UFSP2: variants seen among roughly 807,000 people sequenced by gnomAD.
The protein encoded by UFSP2 is UFM1 specific peptidase 2, also known as ufm1-specific protease 2.
In UFSP2, 43 loss-of-function variants were observed where a neutral mutation model predicts 60.2. The ratio of observed to expected loss-of-function variants is 0.71; its 90% CI spans 0.56 to 0.92. The LOEUF is 0.92. Among genes scored for constraint, UFSP2 ranks in the 40% least tolerant of loss-of-function variants. The pLI, the probability that UFSP2 is intolerant of heterozygous loss-of-function variation, is 0.00. For synonymous variants in UFSP2, 183 were observed against 195.1 expected (o/e 0.94, Z 0.52); for missense variants, 520 against 575.0 (o/e 0.90, Z 0.98).
In UFSP2 at chr4:185,408,347, A is replaced by C. The variant is rs753564563; in HGVS notation, c.920T>G (p.Leu307Arg). 4 of 1,614,218 alleles carry C rather than the reference A, an allele frequency of 2.5e-6. No individual in the cohort carries two copies. The East Asian group carries it at 8.9e-5, about 36-fold the overall frequency. ...DNGWGCAYRSLQTICSWFKHQ... is the reference protein window; with the variant it reads ...DNGWGCAYRSRQTICSWFKHQ... Reference sequence around the variant, plus strand: ...TTTGAACCAAGAGCAGATAGTCTGCAGAGATCGATAAGCACAGCCCCAGCC... The same window carrying C: ...TTTGAACCAAGAGCAGATAGTCTGCCGAGATCGATAAGCACAGCCCCAGCC... The change falls in exon 8 of 12, where the codon CTG (leucine) becomes CGG (arginine). Residue 307 changes from leucine to arginine, a missense_variant. Physicochemically the swap from Leu to Arg is moderately radical, Grantham distance 102 (BLOSUM62 -2). Coordinates refer to ENST00000264689, the MANE Select transcript of UFSP2 (RefSeq NM_018359.5).
intron 9 of UFSP2, 124 bp from the exon 10 acceptor site, chr4:185,405,980 A>G: frequency 6.5e-7 from 1 of 1,538,046 alleles, no homozygotes; most frequent in Non-Finnish European, 8.8e-7. Flanking sequence ...ATATAAATGT[A>G]AAAAAATTAA....
intron 5 of UFSP2, 76 bp downstream of exon 5, chr4:185,415,634 C>T (rs2095537229): frequency 4.7e-6 from 6 of 1,271,422 alleles, no homozygotes; most frequent in Non-Finnish European, 6.5e-6. Context: ...CTTAGGTATA[C>T]CTACAGGATA....
chr4:185,409,693 G>A (rs2095525912), intron 7 of UFSP2, among the ~76,000 whole-genome samples: 1 of 152,154 alleles, frequency 6.6e-6, no homozygotes, highest in South Asian at 2.1e-4. Flanking sequence ...CACCCTCTGT[G>A]CCAAAAAGTA....
At chr4:185,412,618 A>G (rs568682600) in intron 7 of UFSP2, among the ~76,000 whole-genome samples, 21 of 152,188 alleles carry the variant, frequency 1.4e-4, no homozygotes, top group Non-Finnish European at 2.8e-4. Context: ...CAGCTGAGGA[A>G]GAACAGGAAA....
chr4:185,399,813 G>A lies in UFSP2; in HGVS notation c.*579C>T. On this transcript the variant is annotated 3_prime_UTR_variant, in exon 12 of 12. Transcript: ENST00000264689. ...GCTGCTGCTTTTTTCCTCCCGCAGT[G>A]ATCTCTTGTTTGCATAGCATTTATT... 6.2e-7 allele frequency: 1 copy of A among 1,611,548 alleles called. No homozygotes were observed. Among genetic ancestry groups the A allele is most frequent in the Non-Finnish European group, 8.5e-7 (1 of 1,178,512 alleles).
At chr4:185,424,140 CA>C (rs5864936) in intron 1 of UFSP2, among the ~76,000 whole-genome samples, 99,730 of 135,186 alleles carry the variant, frequency 0.74, 36,529 homozygotes, top group East Asian at 0.94. Flanking sequence ...CCATCTCTAC[CA>C]AAAAAAAAAA....
chr4:185,408,174 A>G (rs897485590), intron 8 of UFSP2, 97 bp downstream of exon 8: 158 of 1,540,724 alleles, frequency 1.0e-4, no homozygotes, highest in Non-Finnish European at 1.3e-4. Flanking sequence ...CAAAACAGAA[A>G]TAAGTCTGCA....
rs770511201 is a variant in UFSP2, at chr4:185,418,712, A to G, written c.141T>C (p.Ser47=). The G allele has an allele frequency of 3.7e-6, 6 of 1,613,710 alleles. No homozygotes were observed. In the African/African-American group the frequency reaches 6.7e-5, roughly 18 times the overall value. ...AAATTCTGAACACAAGGGCGTTTGA[A>G]GACAGCTTAGTTGACAGGTCACTCA... is the stretch of plus-strand genomic sequence containing the variant. ...HVLSDLSTKL[S]SNALVFRICH... The change falls in exon 3 of 12, where the codon TCT becomes TCC. Residue 47 remains serine, a synonymous_variant. Coordinates refer to ENST00000264689, the MANE Select transcript of UFSP2 (RefSeq NM_018359.5).
rs200790507 is a variant in UFSP2 at position 185,403,630 on chromosome 4, A to G, written c.1199-12T>C. 140 of 1,596,890 alleles carry G rather than the reference A, an allele frequency of 8.8e-5. No homozygotes were observed. Among genetic ancestry groups the G allele is most frequent in the Admixed American group, 2.8e-4 (15 of 53,954 alleles). ...CAAAACTCCTCCCCCTATAGAAGAAAAAATAGGAAATACGAATGAAGGCAT... is the reference window on the plus strand; with the variant it reads ...CAAAACTCCTCCCCCTATAGAAGAAGAAATAGGAAATACGAATGAAGGCAT... On this transcript the variant is annotated splice_polypyrimidine_tract_variant and intron_variant, in intron 10 of 11. Coordinates refer to ENST00000264689, the MANE Select transcript of UFSP2 (RefSeq NM_018359.5).
In UFSP2 at chr4:185,425,941, C is replaced by T; in HGVS notation, c.-73G>A. On this transcript the variant is annotated 5_prime_UTR_variant, in exon 1 of 12. Transcript: ENST00000264689. The stretch of plus-strand genomic sequence containing the variant: ...CCGGGGGCCGGCCCTGAAGTGGTGT[C>T]ACCGCACGGCCCAGGGGCGGGGCCC... The T allele has an allele frequency of 1.3e-6, 2 of 1,538,710 alleles. No homozygotes were observed. The highest frequency in any genetic ancestry group is 1.2e-5 in the South Asian group (1 of 84,132).
intron 7 of UFSP2, among the ~76,000 whole-genome samples, chr4:185,411,119 G>T (rs1329450422): frequency 1.4e-5 from 2 of 147,536 alleles, no homozygotes; most frequent in Non-Finnish European, 3.0e-5. Context: ...AAAGCCAAAA[G>T]TTTTTTTTTT....
At chr4:185,409,742 T>A (rs2095526026) in intron 7 of UFSP2, among the ~76,000 whole-genome samples, 2 of 152,236 alleles carry the variant, frequency 1.3e-5, no homozygotes, top group Admixed American at 6.5e-5. Context: ...TAGACGTGAT[T>A]AAGGATCTTA....
chr4:185,403,416 C>G (rs1218110734), intron 11 of UFSP2, 78 bp downstream of exon 11: 4 of 1,553,280 alleles, frequency 2.6e-6, no homozygotes, highest in Non-Finnish European at 2.6e-6. Context: ...TATTGTCTTT[C>G]TGTTACCAGC....
chr4:185,422,657 A>T (rs1377135272), intron 1 of UFSP2, 94 bp from the exon 2 acceptor site: 1 of 822,908 alleles, frequency 1.2e-6, no homozygotes, highest in Non-Finnish European at 1.9e-6. Context: ...TTAAGACATT[A>T]ATTAACCTTG....
intron 7 of UFSP2, among the ~76,000 whole-genome samples, chr4:185,410,159 A>ATTTT (rs1175034335): frequency 1.3e-5 from 2 of 152,242 alleles, no homozygotes; most frequent in Non-Finnish European, 2.9e-5. Context: ...GAAGAAAAAA[A>ATTTT]AAGCAAAAAA....
chr4:185,420,034 T>C (rs779064777), intron 2 of UFSP2, among the ~76,000 whole-genome samples: 1 of 152,246 alleles, frequency 6.6e-6, no homozygotes, highest in Non-Finnish European at 1.5e-5. Flanking sequence ...ATCAGTAATC[T>C]ATAAGGATTC....
At chr4:185,407,229 T>C (rs1237130169) in intron 9 of UFSP2, among the ~76,000 whole-genome samples, 4 of 151,810 alleles carry the variant, frequency 2.6e-5, no homozygotes, top group African/African-American at 4.8e-5. Context: ...TTTTTTTGTA[T>C]TTTTAGTAGA....
chr4:185,401,039 T>A (rs574839954), intron 11 of UFSP2, among the ~76,000 whole-genome samples: 2 of 152,336 alleles, frequency 1.3e-5, no homozygotes, highest in Admixed American at 1.3e-4. Flanking sequence ...ATTTAGAGTA[T>A]GAAAATTTCT....
At chr4:185,418,866 C>T (rs2095544097) in intron 2 of UFSP2, 96 bp from the exon 3 acceptor site, 2 of 928,736 alleles carry the variant, frequency 2.2e-6, no homozygotes, top group Admixed American at 6.6e-5. Context: ...GTAAAACTCT[C>T]AATACCTATT....
Sources: gnomAD v4.1 joint callset for allele counts (sites outside exome capture counted in the v4.1 genomes callset) on GRCh38, gnomAD v4.1.1 for gene constraint, MANE v1.5 for transcripts, NCBI Gene and HGNC (gene_info 2026-07-23, HGNC 2026-07-21) for gene names.